RUNX1: variants seen among roughly 807,000 people sequenced by gnomAD.
RUNX1 encodes runt-related transcription factor 1.
Under a neutral mutation model 42.8 loss-of-function variants are expected in RUNX1, and 19 were observed. That is an observed-to-expected ratio of 0.44 (90% confidence interval 0.31 to 0.65). RUNX1 has a LOEUF of 0.65. Ranked by LOEUF, RUNX1 falls within the 30% of genes least tolerant of loss-of-function variation. The pLI is 0.07. For missense variants in RUNX1, 528 were observed against 672.0 expected, an observed-to-expected ratio of 0.79 and a Z score of 2.37; for synonymous variants, 271 against 289.4, an observed-to-expected ratio of 0.94 and a Z score of 0.64.
intron 2 of RUNX1, among the ~76,000 whole-genome samples, chr21:35,000,024 AC>A (rs1323248843): frequency 6.8e-6 from 1 of 147,594 alleles, no homozygotes; most frequent in Admixed American, 6.6e-5. Context: ...TTTTACACAA[AC>A]AGTTATTTGA....
intron 5 of RUNX1, among the ~76,000 whole-genome samples, chr21:34,863,550 C>CTTTTTTTTTT (rs34743281): frequency 9.2e-6 from 1 of 109,136 alleles, no homozygotes; most frequent in African/African-American, 3.8e-5. Context: ...TCATGCCCAT[C>CTTTTTTTTTT]TTTTTTTTTT....
At chr21:34,948,889 G>A (rs1274473815) in intron 2 of RUNX1, among the ~76,000 whole-genome samples, 3 of 152,102 alleles carry the variant, frequency 2.0e-5, no homozygotes, top group Admixed American at 1.3e-4. Flanking sequence ...GGGATTACAG[G>A]AGCCCGCCAC....
chr21:34,995,336 A>G (rs2058985760), intron 2 of RUNX1, among the ~76,000 whole-genome samples: 1 of 152,038 alleles, frequency 6.6e-6, no homozygotes, highest in African/African-American at 2.4e-5. Context: ...AAAATGAGTA[A>G]TCCATTAAAG....
At chr21:35,008,802 T>G (rs137865554) in intron 2 of RUNX1, among the ~76,000 whole-genome samples, 7 of 152,136 alleles carry the variant, frequency 4.6e-5, no homozygotes, top group Admixed American at 4.6e-4. Flanking sequence ...GGAATGATCA[T>G]TACAGACTTT....
At chr21:34,836,081 C>A (rs750502013) in intron 6 of RUNX1, among the ~76,000 whole-genome samples, 6 of 152,200 alleles carry the variant, frequency 3.9e-5, no homozygotes, top group African/African-American at 1.2e-4. Context: ...ATTAACGAGA[C>A]CTGTTTGGCT....
chr21:34,908,785 C>T (rs968449639), intron 2 of RUNX1, among the ~76,000 whole-genome samples: 1 of 152,104 alleles, frequency 6.6e-6, no homozygotes, highest in Admixed American at 6.5e-5. Flanking sequence ...CTCCAAACAC[C>T]CTTTGTCAAA....
chr21:34,797,065 C>G (rs144949756), intron 8 of RUNX1, among the ~76,000 whole-genome samples: 4 of 152,228 alleles, frequency 2.6e-5, no homozygotes, highest in Admixed American at 6.5e-5. Flanking sequence ...ATTCCACCCC[C>G]CTCCTGCCTC....
chr21:34,959,562 C>A (rs1048284917), intron 2 of RUNX1, among the ~76,000 whole-genome samples: 1 of 152,062 alleles, frequency 6.6e-6, no homozygotes, highest in African/African-American at 2.4e-5. Context: ...CCCTGAAGTG[C>A]ATTAAAAATA....
At chr21:34,993,709 ACACACACAGG>A (rs1408883453) in intron 2 of RUNX1, among the ~76,000 whole-genome samples, 6,810 of 146,058 alleles carry the variant, frequency 0.047, 1,131 homozygotes, top group African/African-American at 0.17. Context: ...ACACACACAG[ACACACACAGG>A]CACACACACA....
Position 34,818,733 on chromosome 21 carries a change from A to G in RUNX1, c.805+15677T>C, listed in dbSNP as rs372639431. 1.7e-4 allele frequency among the ~76,000 whole-genome samples: 26 copies of G among 152,376 alleles called. No homozygotes were observed. In the South Asian group the frequency reaches 5.2e-3, roughly 30 times the overall value. Reference sequence around the variant, plus strand: ...GAGGAGGATGGACCAGCCGACCGGCAGCTTCTTGGGCAGATGCCTGCAGAC... The same window carrying G: ...GAGGAGGATGGACCAGCCGACCGGCGGCTTCTTGGGCAGATGCCTGCAGAC... On this transcript the variant is annotated intron_variant, in intron 7 of 8. Transcript: ENST00000675419.
In RUNX1 at chr21:34,863,807, G is replaced by A. The variant is rs576335676; in HGVS notation, c.509-4229C>T. The stretch of plus-strand genomic sequence containing the variant: ...CTGACATTGTGATCCGCCCACCTTG[G>A]CCTCCCAATCATGCCCTTCATTTTA... On this transcript the variant is annotated intron_variant, in intron 5 of 8. Coordinates refer to ENST00000675419, the MANE Select transcript of RUNX1 (RefSeq NM_001754.5). Among the ~76,000 whole-genome samples the A allele has an allele frequency of 7.4e-4, 113 of 152,036 alleles. 1 individual carries two copies. Among genetic ancestry groups the A allele is most frequent in the Middle Eastern group, 6.8e-3 (2 of 294 alleles).
chr21:34,991,217 G>T (rs2058935092), intron 2 of RUNX1, among the ~76,000 whole-genome samples: 2 of 152,082 alleles, frequency 1.3e-5, no homozygotes. Context: ...AACATGCCAG[G>T]CCCCTACCTG....
At chr21:34,930,711 T>A (rs2058437140) in intron 2 of RUNX1, among the ~76,000 whole-genome samples, 1 of 140,266 alleles carries the variant, frequency 7.1e-6, no homozygotes, top group South Asian at 2.1e-4. Flanking sequence ...ACACTCTCTC[T>A]CTCTCTCTCA....
intron 7 of RUNX1, among the ~76,000 whole-genome samples, chr21:34,807,835 C>T (rs1447118148): frequency 6.6e-6 from 1 of 152,220 alleles, no homozygotes; most frequent in Non-Finnish European, 1.5e-5. Context: ...CAGATGCTTC[C>T]CAGCATCACA....
intron 2 of RUNX1, among the ~76,000 whole-genome samples, chr21:35,025,971 T>C (rs999895109): frequency 7.9e-5 from 12 of 152,178 alleles, no homozygotes; most frequent in African/African-American, 2.9e-4. Flanking sequence ...ACAAGAAGAA[T>C]AATAAAAAAG....
chr21:35,023,171 T>G (rs117469119), intron 2 of RUNX1, among the ~76,000 whole-genome samples: 4,724 of 152,192 alleles, frequency 0.031, 108 homozygotes, highest in African/African-American at 0.07. Context: ...CTCAAACTCC[T>G]GGGCTCAAGT....
intron 2 of RUNX1, among the ~76,000 whole-genome samples, chr21:34,928,967 G>GC (rs1330772176): frequency 6.7e-6 from 1 of 148,888 alleles, no homozygotes; most frequent in Admixed American, 6.8e-5. Flanking sequence ...TTTTTGGGGG[G>GC]GGGGGTAGAT....
intron 2 of RUNX1, among the ~76,000 whole-genome samples, chr21:34,978,679 T>C (rs1469267601): frequency 6.6e-6 from 1 of 152,196 alleles, no homozygotes; most frequent in Non-Finnish European, 1.5e-5. Context: ...CTGCTCATTT[T>C]GTGAGCCAGA....
intron 6 of RUNX1, among the ~76,000 whole-genome samples, chr21:34,839,493 G>A (rs1472294090): frequency 6.6e-6 from 1 of 152,128 alleles, no homozygotes; most frequent in African/African-American, 2.4e-5. Flanking sequence ...AGTGCACAAT[G>A]CTTCATAGTT....
Sources: gnomAD v4.1 joint callset for allele counts (sites outside exome capture counted in the v4.1 genomes callset) on GRCh38, gnomAD v4.1.1 for gene constraint, MANE v1.5 for transcripts, NCBI Gene and HGNC (gene_info 2026-07-23, HGNC 2026-07-21) for gene names.